Variants in GRB7 observed in about 807,000 individuals in gnomAD.
GRB7 encodes growth factor receptor bound protein 7.
Under a neutral mutation model 64.1 loss-of-function variants are expected in GRB7, and 47 were observed. That is an observed-to-expected ratio of 0.73 (90% CI 0.58 to 0.94). GRB7 has a LOEUF of 0.94. GRB7 is among the 40% of genes least tolerant of loss of function. The pLI, the probability that GRB7 is intolerant of heterozygous loss-of-function variation, is 0.00. For synonymous variants in GRB7, 277 were observed against 279.9 expected (o/e 0.99, Z 0.10); for missense variants, 634 against 718.4 (o/e 0.88, Z 1.34).
rs2060037127 is a variant in GRB7, at chr17:39,745,499, G to A, written c.1170G>A (p.Glu390=). Residue 390 remains glutamate, a synonymous_variant, in exon 11 of 15, where the codon GAG becomes GAA. Transcript: ENST00000309156. ...HAGRVIENPR[E]ALSVALEEAQ... ...GGCGTGTCATTGAGAACCCCCGGGAGGCTCTGAGTGTGGCCCTGGAGGAGG... is the reference window on the plus strand; with the variant it reads ...GGCGTGTCATTGAGAACCCCCGGGAAGCTCTGAGTGTGGCCCTGGAGGAGG... The A allele has an allele frequency of 2.5e-6, 4 of 1,614,014 alleles. 1 individual carries two copies. The highest frequency in any genetic ancestry group is 3.4e-6 in the Non-Finnish European group (4 of 1,180,012).
Position 39,747,284 on chromosome 17 carries a change from C to T in GRB7, c.*387C>T, listed in dbSNP as rs754985622. 3.8e-5 allele frequency: 7 copies of T among 183,114 alleles called. No homozygotes were observed. The highest frequency in any genetic ancestry group is 2.9e-4 in the East Asian group (2 of 6,962). The allele number at this position is 183,114 out of a possible 1,614,324, so 11.3% of individuals were successfully genotyped here. On this transcript the variant is annotated 3_prime_UTR_variant, in exon 15 of 15. Coordinates refer to ENST00000309156, the MANE Select transcript of GRB7 (RefSeq NM_005310.5). The stretch of plus-strand genomic sequence containing the variant: ...TGACAATAAAGATTATTTTTTGATA[C>T]ACCTATGAGTTCTGTCTGGCAAGGC...
At chr17:39,744,257 T>A in intron 7 of GRB7, 50 bp downstream of exon 7, 5 of 1,602,430 alleles carry the variant, frequency 3.1e-6, no homozygotes, top group Non-Finnish European at 4.3e-6. Context: ...CTGGTCCTTT[T>A]AGAAGTTGCC....
chr17:39,740,191 G>T (rs1377651473), intron 1 of GRB7: 1 of 983,178 alleles, frequency 1.0e-6, no homozygotes, highest in Non-Finnish European at 1.2e-6. Flanking sequence ...GGTTAGACTG[G>T]GGTGGGAGTG....
intron 1 of GRB7, 106 bp from the exon 2 acceptor site, chr17:39,742,146 C>CCCCCA: frequency 2.6e-6 from 2 of 767,058 alleles, no homozygotes; most frequent in Non-Finnish European, 4.6e-6. Context: ...CCAAGGGCTT[C>CCCCCA]AGGGAAACTC....
chr17:39,744,833 G>A (rs2060029388), intron 8 of GRB7, 53 bp from the exon 9 acceptor site: 1 of 1,478,282 alleles, frequency 6.8e-7, no homozygotes, highest in Admixed American at 1.7e-5. Context: ...AGCAGGGGCA[G>A]ACATGTGGTC....
In GRB7 at chr17:39,745,754, G is replaced by A; in HGVS notation, c.1236G>A (p.Leu412=). 1.9e-6 allele frequency: 3 copies of A among 1,613,948 alleles called. No homozygotes were observed. Among genetic ancestry groups the A allele is most frequent in the Non-Finnish European group, 2.5e-6 (3 of 1,180,028 alleles). ...WRKKTNHRLS[L]PMPASGTSLS... is the part of the protein sequence containing the mutation. ...AGAAGACAAACCACCGCCTCAGCCT[G>A]CCCATGCCAGCCTCCGGCACGAGCC... The change falls in exon 12 of 15, where the codon CTG becomes CTA. Residue 412 remains leucine (L), a synonymous_variant. Coordinates refer to ENST00000309156, the MANE Select transcript of GRB7 (RefSeq NM_005310.5).
rs1402968685 is a variant in GRB7 at position 39,744,208 on chromosome 17, G to A, written c.801+1G>A. The A allele has an allele frequency of 1.2e-6, 2 of 1,613,720 alleles. No individual in the cohort carries two copies. The highest frequency in any genetic ancestry group is 8.5e-7 in the Non-Finnish European group (1 of 1,179,970). On this transcript the variant is annotated splice_donor_variant, in intron 7 of 14. Transcript: ENST00000309156. LOFTEE classifies it high-confidence loss of function. ...TTACTCCACCAAGGGCACCTCTAAG[G>A]TAAGGTCTTGAGGGTACCAGCCCCA...
At position 39,742,927 on chromosome 17, in the gene GRB7, C is replaced by A. The variant is rs2060009340; in HGVS notation, c.336C>A (p.Ala112=). ...HVVKVYSEDG[A]CRSVEVAAGA... ...TAAAGGTGTACAGTGAGGATGGGGC[C>A]TGCAGGTCTGTGGAGGTGGCAGCAG... Residue 112 remains alanine, a synonymous_variant, in exon 4 of 15, where the codon GCC becomes GCA. Coordinates refer to ENST00000309156, the MANE Select transcript of GRB7 (RefSeq NM_005310.5). The A allele has an allele frequency of 1.9e-6, 3 of 1,609,680 alleles. No individual in the cohort carries two copies. The highest frequency in any genetic ancestry group is 1.3e-5 in the African/African-American group (1 of 74,836).
chr17:39,741,029 T>C (rs1193525603), intron 1 of GRB7, among the ~76,000 whole-genome samples: 2 of 152,076 alleles, frequency 1.3e-5, no homozygotes, highest in Non-Finnish European at 2.9e-5. Context: ...GCGGAGAAGG[T>C]GCCAGCCCCA....
At position 39,745,742 on chromosome 17, in the gene GRB7, C is replaced by T. The variant is rs2060039695; in HGVS notation, c.1224C>T (p.His408=). 1 of 1,613,776 alleles carries T rather than the reference C, an allele frequency of 6.2e-7. No homozygotes were observed. Among genetic ancestry groups the T allele is most frequent in the African/African-American group, 1.3e-5 (1 of 74,932 alleles). ...EAQAWRKKTN[H]RLSLPMPASG... is the part of the protein sequence containing the mutation. Reference sequence around the variant, plus strand: ...CTGCTCCACAGAAGAAGACAAACCACCGCCTCAGCCTGCCCATGCCAGCCT... The same window carrying T: ...CTGCTCCACAGAAGAAGACAAACCATCGCCTCAGCCTGCCCATGCCAGCCT... The change falls in exon 12 of 15, where the codon CAC becomes CAT. Residue 408 remains histidine (H), a synonymous_variant. Coordinates refer to ENST00000309156, the MANE Select transcript of GRB7 (RefSeq NM_005310.5).
In GRB7 at chr17:39,745,442, C is replaced by G. The variant is rs759849911; in HGVS notation, c.1113C>G (p.Thr371=). ...SPPLRSASDN[T]LVAMDFSGHA... is the part of the protein sequence containing the mutation. ...TCCAGAGAAGTGCCTCAGATAATAC[C>G]CTGGTGGCCATGGACTTCTCTGGCC... Residue 371 remains threonine, a synonymous_variant, in exon 11 of 15, where the codon ACC becomes ACG. Coordinates refer to ENST00000309156, the MANE Select transcript of GRB7 (RefSeq NM_005310.5). 4.3e-6 allele frequency: 7 copies of G among 1,613,832 alleles called. No individual in the cohort carries two copies. Among genetic ancestry groups the G allele is most frequent in the Non-Finnish European group, 5.1e-6 (6 of 1,179,970 alleles).
intron 9 of GRB7, 84 bp downstream of exon 9, chr17:39,745,068 G>A: frequency 8.2e-7 from 1 of 1,219,130 alleles, no homozygotes. Context: ...GGAATGAGGA[G>A]GGCATCACAG....
In GRB7 at chr17:39,747,001, G is replaced by T; in HGVS notation, c.*104G>T. 1 of 1,283,202 alleles carries T rather than the reference G, an allele frequency of 7.8e-7. No homozygotes were observed. Among genetic ancestry groups the T allele is most frequent in the Non-Finnish European group, 1.1e-6 (1 of 935,516 alleles). The allele number at this position is 1,283,202 out of a possible 1,614,324, so 79.5% of individuals were successfully genotyped here. ...GCGCGGCCACAGGGGACGGGATGAG[G>T]AGCGGGAGGGTTCCGCCACTCCAGT... On this transcript the variant is annotated 3_prime_UTR_variant, in exon 15 of 15. Coordinates refer to ENST00000309156, the MANE Select transcript of GRB7 (RefSeq NM_005310.5).
At chr17:39,746,648 A>G in intron 14 of GRB7, 103 bp from the exon 15 acceptor site, 2 of 906,854 alleles carry the variant, frequency 2.2e-6, no homozygotes, top group Non-Finnish European at 1.6e-6. Flanking sequence ...AAGAAAAAGA[A>G]AAAAGAAAAG....
At position 39,747,010 on chromosome 17, in the gene GRB7, G is replaced by A; in HGVS notation, c.*113G>A. 8.4e-7 allele frequency: 1 copy of A among 1,187,320 alleles called. No homozygotes were observed. Among genetic ancestry groups the A allele is most frequent in the East Asian group, 2.5e-5 (1 of 39,756 alleles). The allele number at this position is 1,187,320 out of a possible 1,614,324, so 73.5% of individuals were successfully genotyped here. A position where few individuals can be genotyped will look rare whatever the true frequency, so the allele number is the denominator to read the frequency against. On this transcript the variant is annotated 3_prime_UTR_variant, in exon 15 of 15. Transcript: ENST00000309156. Reference sequence around the variant, plus strand: ...CAGGGGACGGGATGAGGAGCGGGAGGGTTCCGCCACTCCAGTTTTCTCCTC... The same window carrying A: ...CAGGGGACGGGATGAGGAGCGGGAGAGTTCCGCCACTCCAGTTTTCTCCTC...
At chr17:39,742,203 C>G (rs762042187) in intron 1 of GRB7, 49 bp from the exon 2 acceptor site, 12 of 1,385,116 alleles carry the variant, frequency 8.7e-6, no homozygotes, top group Non-Finnish European at 1.1e-5. Flanking sequence ...GGCACCCTAA[C>G]CGCCGTGTGA....
chr17:39,741,906 A>C (rs574547390), intron 1 of GRB7, among the ~76,000 whole-genome samples: 1 of 133,474 alleles, frequency 7.5e-6, no homozygotes, highest in South Asian at 2.6e-4. Context: ...GTTACTCGGG[A>C]GGTTAAGGCA....
At position 39,746,006 on chromosome 17, in the gene GRB7, G is replaced by C. The variant is rs754399753; in HGVS notation, c.1358+6G>C. 6.2e-7 allele frequency: 1 copy of C among 1,613,976 alleles called. No individual in the cohort carries two copies. Among genetic ancestry groups the C allele is most frequent in the Non-Finnish European group, 8.5e-7 (1 of 1,179,884 alleles). ...CAGCAGGGCTTGGTAGACGGGTAAG[G>C]GGCAGGGCCGGGCAACAGACCCAGG... On this transcript the variant is annotated splice_donor_region_variant and intron_variant, in intron 13 of 14. Coordinates refer to ENST00000309156, the MANE Select transcript of GRB7 (RefSeq NM_005310.5).
At chr17:39,742,096 G>A (rs529454844) in intron 1 of GRB7, among the ~76,000 whole-genome samples, 156 bp from the exon 2 acceptor site, 2 of 151,920 alleles carry the variant, frequency 1.3e-5, no homozygotes, top group African/African-American at 2.4e-5. Flanking sequence ...TCAGAGACTC[G>A]GTGTCCCCTT....
Sources: allele counts gnomAD v4.1 joint callset (sites outside exome capture counted in the v4.1 genomes callset), GRCh38; gene constraint gnomAD v4.1.1; transcripts MANE v1.5; gene names NCBI Gene and HGNC (gene_info 2026-07-23, HGNC 2026-07-21).